The following GYS2 variants were observed in gnomAD, a reference collection of about 807,000 sequenced individuals.
GYS2 encodes the protein glycogen synthase 2.
In GYS2, 80 loss-of-function variants were observed where a neutral mutation model predicts 85.6. That is an observed-to-expected ratio of 0.93 (90% CI 0.78 to 1.13). The LOEUF (loss-of-function observed/expected upper bound fraction) is 1.13. Among genes scored for constraint, GYS2 ranks in the 50% most tolerant of loss-of-function variants. The pLI, the probability that GYS2 is intolerant of heterozygous loss-of-function variation, is 0.00. For missense variants in GYS2, 881 were observed against 854.9 expected (o/e 1.03, Z -0.38); for synonymous variants, 328 against 300.7 (o/e 1.09, Z -0.94).
At chr12:21,559,200 A>T (rs982820805) in intron 9 of GYS2, 31 bp from the exon 10 acceptor site, 1 of 1,262,836 alleles carries the variant, frequency 7.9e-7, no homozygotes, top group Non-Finnish European at 1.2e-6. Context: ...TAACAAAAAT[A>T]AAAACAGCTG....
intron 11 of GYS2, among the ~76,000 whole-genome samples, chr12:21,557,756 G>A (rs999594703): frequency 5.9e-5 from 9 of 152,050 alleles, no homozygotes; most frequent in Non-Finnish European, 1.3e-4. Context: ...AAAATTAGCC[G>A]GGCATGGTTG....
At chr12:21,574,924 G>A (rs1298074799) in intron 3 of GYS2, among the ~76,000 whole-genome samples, 2 of 151,262 alleles carry the variant, frequency 1.3e-5, no homozygotes, top group East Asian at 3.9e-4. Context: ...TGCATATGAA[G>A]AAAAAGTGAC....
chr12:21,551,624 A>T, intron 11 of GYS2, among the ~76,000 whole-genome samples: 1 of 152,190 alleles, frequency 6.6e-6, no homozygotes, highest in East Asian at 1.9e-4. Context: ...TAAGTAAGAG[A>T]TAAGTTAAAC....
chr12:21,578,047 C>T (rs1944466319), intron 2 of GYS2, among the ~76,000 whole-genome samples: 1 of 152,102 alleles, frequency 6.6e-6, no homozygotes, highest in Non-Finnish European at 1.5e-5. Context: ...ATCATGACTG[C>T]ATTCTTTCCT....
chr12:21,534,105 T>C (rs370282019), downstream of GYS2, among the ~76,000 whole-genome samples: 10 of 152,172 alleles, frequency 6.6e-5, no homozygotes, highest in East Asian at 3.8e-4. Context: ...GCCCAACTTA[T>C]GATGGTTCGA....
intron 7 of GYS2, 135 bp from the exon 8 acceptor site, chr12:21,560,627 G>C (rs941058073): frequency 2.0e-5 from 13 of 644,290 alleles, no homozygotes; most frequent in Non-Finnish European, 3.1e-5. Context: ...GTTTCACAGA[G>C]AGATTATATT....
intron 11 of GYS2, among the ~76,000 whole-genome samples, chr12:21,548,589 G>A (rs1004542731): frequency 1.3e-5 from 2 of 152,074 alleles, no homozygotes; most frequent in Admixed American, 6.6e-5. Context: ...GGTTCACAAA[G>A]CTTCTGAACA....
chr12:21,581,111 C>A (rs1224792598), intron 1 of GYS2, among the ~76,000 whole-genome samples: 6 of 152,170 alleles, frequency 3.9e-5, no homozygotes, highest in Non-Finnish European at 8.8e-5. Flanking sequence ...GATGCTTGGT[C>A]CAACCCCGAT....
intron 1 of GYS2, among the ~76,000 whole-genome samples, chr12:21,602,561 C>T (rs1944766489): frequency 6.6e-6 from 1 of 151,952 alleles, no homozygotes; most frequent in African/African-American, 2.4e-5. Context: ...AATAAAGATA[C>T]ATTGAAGATG....
chr12:21,588,608 C>G (rs781185532), intron 1 of GYS2, among the ~76,000 whole-genome samples: 8 of 152,168 alleles, frequency 5.3e-5, no homozygotes, highest in Non-Finnish European at 1.2e-4. Context: ...TTTAAACTGT[C>G]ATTGAGCAGA....
At chr12:21,586,932 C>T (rs1276177710) in intron 1 of GYS2, among the ~76,000 whole-genome samples, 1 of 151,914 alleles carries the variant, frequency 6.6e-6, no homozygotes, top group African/African-American at 2.4e-5. Flanking sequence ...AAATGTCTAC[C>T]AATGGACGAT....
intron 10 of GYS2, 50 bp downstream of exon 10, chr12:21,559,041 G>C (rs1043088032): frequency 3.8e-6 from 4 of 1,039,074 alleles, no homozygotes; most frequent in Non-Finnish European, 6.0e-6. Flanking sequence ...ATACTGATTA[G>C]ATAGAATTTA....
Position 21,574,292 on chromosome 12 carries a change from G to A in GYS2, c.530C>T (p.Ala177Val). The A allele has an allele frequency of 6.2e-7, 1 of 1,613,760 alleles. No homozygotes were observed. The highest frequency in any genetic ancestry group is 8.5e-7 in the Non-Finnish European group (1 of 1,179,740). Residue 177 changes from alanine to valine, a missense_variant, in exon 4 of 16, where the codon GCC becomes GTC. Physicochemically the swap from Ala to Val is moderately conservative, Grantham distance 64. Coordinates refer to ENST00000261195, the MANE Select transcript of GYS2 (RefSeq NM_021957.4). ...TDHADGKYVV[A>V]QFHEWQAGIG... is the part of the protein sequence containing the mutation. ...TCCAGCCTGCCATTCATGGAATTGG[G>A]CAACGACATATTTACCATCTGCATG...
At chr12:21,559,193 C>T (rs1478880382) in intron 9 of GYS2, 24 bp from the exon 10 acceptor site, 1 of 1,427,168 alleles carries the variant, frequency 7.0e-7, no homozygotes, top group African/African-American at 1.4e-5. Context: ...ATGTTAATAA[C>T]AAAAATAAAA....
chr12:21,544,399 C>A (rs1334926350), intron 12 of GYS2, among the ~76,000 whole-genome samples: 4 of 152,140 alleles, frequency 2.6e-5, no homozygotes, highest in African/African-American at 9.7e-5. Flanking sequence ...TTAAGTTTAA[C>A]TTTGCCCTAT....
intron 12 of GYS2, among the ~76,000 whole-genome samples, chr12:21,545,847 A>C (rs1411087491): frequency 6.6e-6 from 1 of 152,272 alleles, no homozygotes; most frequent in East Asian, 1.9e-4. Flanking sequence ...TTCACTGTAC[A>C]CCTTTTTATA....
intron 7 of GYS2, among the ~76,000 whole-genome samples, chr12:21,560,750 C>T (rs1005805007): frequency 9.9e-5 from 15 of 152,102 alleles, no homozygotes; most frequent in African/African-American, 3.6e-4. Flanking sequence ...TGTCAGTTAA[C>T]AATTTGAAAA....
In GYS2 at chr12:21,562,930, A is replaced by G. The variant is rs1371752320; in HGVS notation, c.1050T>C (p.Asn350=). The change falls in exon 7 of 16, where the codon AAT becomes AAC. Residue 350 remains asparagine, a synonymous_variant. Transcript: ENST00000261195. The part of the protein sequence containing the change: ...DIFLESLSRL[N]FLLRMHKSDI... ...AGAGCTTTCTTACCCTCAGCAGGAA[A>G]TTTAGCCTGGATAAGGATTCTAGGA... 1.9e-6 allele frequency: 3 copies of G among 1,611,992 alleles called. No homozygotes were observed.
rs758582300 is a variant in GYS2, at chr12:21,576,015, C to T, written c.346G>A (p.Val116Ile). 8 of 1,613,582 alleles carry T rather than the reference C, an allele frequency of 5.0e-6. No individual in the cohort carries two copies. The African/African-American group carries it at 6.7e-5, about 13-fold the overall frequency. Residue 116 changes from valine to isoleucine, a missense_variant, in exon 3 of 16, where the codon GTA (valine) becomes ATA (isoleucine). Physicochemically the swap from Val to Ile is conservative, Grantham distance 29. Coordinates refer to ENST00000261195, the MANE Select transcript of GYS2 (RefSeq NM_021957.4). Reference sequence around the variant, plus strand: ...GCTGAATAGCCTATGTCAAAAAGTACCACATAAGGACTTCCTTCTATCAGC... The same window carrying T: ...GCTGAATAGCCTATGTCAAAAAGTATCACATAAGGACTTCCTTCTATCAGC... ...RWLIEGSPYV[V>I]LFDIGYSAWN...
Sources: gnomAD v4.1 joint callset for allele counts (sites outside exome capture counted in the v4.1 genomes callset) on GRCh38, gnomAD v4.1.1 for gene constraint, MANE v1.5 for transcripts, NCBI Gene and HGNC (gene_info 2026-07-23, HGNC 2026-07-21) for gene names.